Variants in ACOXL observed in about 807,000 individuals in gnomAD.
ACOXL encodes the protein acyl-CoA oxidase like.
Under a neutral mutation model 71.9 loss-of-function variants are expected in ACOXL, and 70 were observed. The observed-to-expected ratio is 0.97, with a 90% confidence interval of 0.80 to 1.19. ACOXL has a LOEUF of 1.19. ACOXL is among the 50% of genes most tolerant of loss of function. The pLI, the probability that ACOXL is intolerant of heterozygous loss-of-function variation, is 0.00. For missense variants in ACOXL, 703 were observed against 736.3 expected (o/e 0.95, Z 0.52); for synonymous variants, 253 against 281.6 (o/e 0.90, Z 1.02).
intron 14 of ACOXL, among the ~76,000 whole-genome samples, chr2:111,009,157 T>C (rs540621676): frequency 2.6e-4 from 40 of 152,312 alleles, no homozygotes; most frequent in Admixed American, 1.2e-3. Context: ...AGCCTTTCCC[T>C]TCACTTAGGT....
intron 16 of ACOXL, among the ~76,000 whole-genome samples, chr2:111,083,188 A>C (rs34682062): frequency 0.085 from 12,936 of 152,154 alleles, 647 homozygotes; most frequent in Non-Finnish European, 0.11. Flanking sequence ...ATAATAATTA[A>C]AAAAAAGAAT....
At chr2:110,821,743 T>C (rs1688627449) in intron 9 of ACOXL, among the ~76,000 whole-genome samples, 1 of 152,254 alleles carries the variant, frequency 6.6e-6, no homozygotes, top group African/African-American at 2.4e-5. Context: ...TTCTTTTGCA[T>C]GGGAAATTTG....
At chr2:110,872,701 A>G (rs1398586642) in intron 10 of ACOXL, among the ~76,000 whole-genome samples, 3 of 152,210 alleles carry the variant, frequency 2.0e-5, no homozygotes, top group Admixed American at 6.5e-5. Context: ...CGCCCTCTGC[A>G]TTAAGGTCTA....
At chr2:111,040,462 C>T (rs577438301) in intron 15 of ACOXL, among the ~76,000 whole-genome samples, 7 of 152,286 alleles carry the variant, frequency 4.6e-5, no homozygotes, top group Non-Finnish European at 8.8e-5. Flanking sequence ...CCACCCTTCT[C>T]GCCCCATATT....
chr2:110,837,962 C>T (rs1461045702), intron 9 of ACOXL, among the ~76,000 whole-genome samples: 1 of 152,212 alleles, frequency 6.6e-6, no homozygotes, highest in African/African-American at 2.4e-5. Context: ...ACGGGCCTCC[C>T]TCCCCTCTCT....
intron 1 of ACOXL, among the ~76,000 whole-genome samples, chr2:110,746,657 G>C (rs542824481): frequency 2.6e-5 from 4 of 152,096 alleles, no homozygotes; most frequent in African/African-American, 9.7e-5. Context: ...GCACAGTCAC[G>C]CTCCACCATG....
chr2:110,854,700 C>T (rs1451832395), intron 10 of ACOXL, among the ~76,000 whole-genome samples: 1 of 152,204 alleles, frequency 6.6e-6, no homozygotes, highest in African/African-American at 2.4e-5. Flanking sequence ...TGAGGGCCAC[C>T]ACCTGGCAGA....
chr2:111,029,516 C>T (rs1201767562), intron 14 of ACOXL, among the ~76,000 whole-genome samples: 2 of 152,056 alleles, frequency 1.3e-5, no homozygotes, highest in Non-Finnish European at 2.9e-5. Flanking sequence ...GTCAGCCCAT[C>T]TGGGCGTGAG....
At chr2:110,931,489 A>C (rs2060477348) in intron 11 of ACOXL, among the ~76,000 whole-genome samples, 1 of 152,162 alleles carries the variant, frequency 6.6e-6, no homozygotes, top group South Asian at 2.1e-4. Context: ...AATATAGCAT[A>C]GATGAAAATG....
chr2:111,073,880 C>G (rs946214059), intron 16 of ACOXL, among the ~76,000 whole-genome samples: 1 of 152,054 alleles, frequency 6.6e-6, no homozygotes, highest in African/African-American at 2.4e-5. Context: ...TTGACTCTTC[C>G]GATCCATTTT....
At chr2:110,775,656 A>G (rs1262161391) in intron 2 of ACOXL, among the ~76,000 whole-genome samples, 1 of 152,202 alleles carries the variant, frequency 6.6e-6, no homozygotes, top group Non-Finnish European at 1.5e-5. Flanking sequence ...AACGTCACTA[A>G]TCATTAGGCA....
intron 10 of ACOXL, among the ~76,000 whole-genome samples, chr2:110,900,350 G>T (rs1331373342): frequency 6.6e-6 from 1 of 152,162 alleles, no homozygotes; most frequent in East Asian, 1.9e-4. Context: ...AGGATGAGCA[G>T]CATCGCAGGT....
intron 9 of ACOXL, among the ~76,000 whole-genome samples, chr2:110,822,651 C>T (rs2105531734): frequency 6.6e-6 from 1 of 152,208 alleles, no homozygotes; most frequent in East Asian, 1.9e-4. Flanking sequence ...CTGAGAGCCC[C>T]TCAATGTTTA....
At chr2:110,830,614 A>G (rs967589466) in intron 9 of ACOXL, among the ~76,000 whole-genome samples, 2 of 152,002 alleles carry the variant, frequency 1.3e-5, no homozygotes, top group African/African-American at 2.4e-5. Flanking sequence ...GCTCACTGCA[A>G]GCTCCGCCTC....
chr2:110,980,963 G>A (rs1228289754), intron 12 of ACOXL, among the ~76,000 whole-genome samples: 6 of 152,124 alleles, frequency 3.9e-5, no homozygotes, highest in African/African-American at 1.4e-4. Flanking sequence ...GTCTGCTCTT[G>A]CCCCTCCCCC....
intron 15 of ACOXL, among the ~76,000 whole-genome samples, chr2:111,047,680 T>G (rs1292360244): frequency 6.6e-6 from 1 of 152,254 alleles, no homozygotes; most frequent in East Asian, 1.9e-4. Flanking sequence ...CTTATCTCAA[T>G]GTACAAGTTT....
intron 9 of ACOXL, among the ~76,000 whole-genome samples, chr2:110,815,979 G>C (rs1687860643): frequency 6.6e-6 from 1 of 152,160 alleles, no homozygotes; most frequent in South Asian, 2.1e-4. Context: ...GATGGATGAT[G>C]GGTGAGTGGA....
intron 12 of ACOXL, among the ~76,000 whole-genome samples, chr2:110,953,413 C>A (rs1344434314): frequency 6.6e-6 from 1 of 151,754 alleles, no homozygotes; most frequent in East Asian, 1.9e-4. Context: ...TTTTTTATGG[C>A]CTGCTCTGTG....
chr2:110,809,210 TC>T (rs1687019656), intron 9 of ACOXL, among the ~76,000 whole-genome samples: 1 of 152,228 alleles, frequency 6.6e-6, no homozygotes, highest in East Asian at 1.9e-4. Flanking sequence ...CAGACACTGC[TC>T]CCCATAGTAT....
Sources: allele counts gnomAD v4.1 joint callset (sites outside exome capture counted in the v4.1 genomes callset), GRCh38; gene constraint gnomAD v4.1.1; transcripts MANE v1.5; gene names NCBI Gene and HGNC (gene_info 2026-07-23, HGNC 2026-07-21).